Variants in ADAMTSL1 observed in about 807,000 individuals in gnomAD.
The protein encoded by ADAMTSL1 is ADAMTS-like protein 1.
In ADAMTSL1, 126 loss-of-function variants were observed where a neutral mutation model predicts 201.8. The ratio of observed to expected loss-of-function variants is 0.62; its 90% CI spans 0.54 to 0.72. The LOEUF (loss-of-function observed/expected upper bound fraction) is 0.72, where lower values mean the gene tolerates loss of function less well. Among genes scored for constraint, ADAMTSL1 ranks in the 30% least tolerant of loss-of-function variants. ADAMTSL1 has a pLI of 0.00. For missense variants in ADAMTSL1, 2,679 were observed against 2,277.8 expected, an observed-to-expected ratio of 1.18 and a Z score of -3.59; for synonymous variants, 1,121 against 903.4, an observed-to-expected ratio of 1.24 and a Z score of -4.32.
intron 4 of ADAMTSL1, among the ~76,000 whole-genome samples, chr9:18,596,645 A>G (rs1469383267): frequency 2.6e-5 from 4 of 152,144 alleles, no homozygotes; most frequent in African/African-American, 9.7e-5. Flanking sequence ...GTGTGAACCT[A>G]TGTGAGGTGA....
intron 16 of ADAMTSL1, among the ~76,000 whole-genome samples, chr9:18,753,803 A>G (rs1410439463): frequency 6.6e-6 from 1 of 152,246 alleles, no homozygotes; most frequent in Non-Finnish European, 1.5e-5. Flanking sequence ...AAAATTTTTT[A>G]AAATCAAGAC....
chr9:18,159,544 T>A (rs976632865), intron 1 of ADAMTSL1, among the ~76,000 whole-genome samples: 3 of 152,042 alleles, frequency 2.0e-5, no homozygotes, highest in Non-Finnish European at 4.4e-5. Context: ...ACATTACAAT[T>A]TTTATAGCAA....
intron 15 of ADAMTSL1, chr9:18,723,738 G>A (rs1817691983): frequency 6.6e-6 from 1 of 152,490 alleles, no homozygotes; most frequent in Non-Finnish European, 1.5e-5. Flanking sequence ...AACAATAAAG[G>A]GGACCAAAGT....
chr9:18,688,689 A>AAAAAAAAAAAAAAAATAT (rs1554730404), intron 13 of ADAMTSL1, among the ~76,000 whole-genome samples: 1 of 8,652 alleles, frequency 1.2e-4, no homozygotes, highest in Admixed American at 2.3e-3. Flanking sequence ...AAAAAAAAAA[A>AAAAAAAAAAAAAAAATAT]ATATATATAT....
chr9:18,006,364 A>G (rs1468757719), intron 1 of ADAMTSL1, among the ~76,000 whole-genome samples: 1 of 152,018 alleles, frequency 6.6e-6, no homozygotes, highest in Non-Finnish European at 1.5e-5. Flanking sequence ...TGACTATGTT[A>G]AACAGCTCAC....
chr9:18,439,125 C>T (rs960448159), intron 2 of ADAMTSL1, among the ~76,000 whole-genome samples: 2 of 152,132 alleles, frequency 1.3e-5, no homozygotes, highest in African/African-American at 4.8e-5. Context: ...GTCTTCACTA[C>T]GTCATGACCG....
intron 2 of ADAMTSL1, among the ~76,000 whole-genome samples, chr9:18,510,015 C>G (rs1382308400): frequency 6.6e-6 from 1 of 152,108 alleles, no homozygotes; most frequent in Non-Finnish European, 1.5e-5. Context: ...GCTTAGAGGC[C>G]TAGCAGGTAA....
chr9:18,297,655 C>A (rs770161171), intron 2 of ADAMTSL1, among the ~76,000 whole-genome samples: 1 of 152,178 alleles, frequency 6.6e-6, no homozygotes, highest in Non-Finnish European at 1.5e-5. Flanking sequence ...ATCTGTCTTT[C>A]GCTGCTGGTT....
chr9:18,573,792 A>T (rs548076997), intron 3 of ADAMTSL1, among the ~76,000 whole-genome samples: 22 of 152,226 alleles, frequency 1.4e-4, no homozygotes, highest in Admixed American at 3.9e-4. Flanking sequence ...CAAGCCAATT[A>T]TTTTTCCATT....
chr9:17,986,828 C>A (rs1818946960), intron 1 of ADAMTSL1, among the ~76,000 whole-genome samples: 1 of 152,064 alleles, frequency 6.6e-6, no homozygotes, highest in African/African-American at 2.4e-5. Context: ...TGACTAGGTG[C>A]AAACATTACC....
In ADAMTSL1 at chr9:18,067,956, G is replaced by C. The variant is rs1466878160; in HGVS notation, c.88-95906G>C. On this transcript the variant is annotated intron_variant, in intron 1 of 29. Transcript: ENST00000680146. ...CAGTGAGCACAGAGGATTTAGAGTA[G>C]GTAAGAAAAGCTTTCGACAGGATAA... 5.3e-5 allele frequency among the ~76,000 whole-genome samples: 8 copies of C among 152,012 alleles called. No individual in the cohort carries two copies. In the South Asian group the frequency reaches 1.5e-3, roughly 28 times the overall value.
chr9:18,121,856 C>G (rs1168477844), intron 1 of ADAMTSL1, among the ~76,000 whole-genome samples: 1 of 152,114 alleles, frequency 6.6e-6, no homozygotes, highest in East Asian at 1.9e-4. Flanking sequence ...GCACCCATCA[C>G]CATTCTTAAA....
At chr9:18,512,375 G>A (rs1053274800) in intron 2 of ADAMTSL1, among the ~76,000 whole-genome samples, 3 of 151,660 alleles carry the variant, frequency 2.0e-5, no homozygotes, top group Non-Finnish European at 4.4e-5. Context: ...AAATGTGTTT[G>A]TTGTCCATAA....
chr9:18,072,089 G>A (rs1399533536), intron 1 of ADAMTSL1, among the ~76,000 whole-genome samples: 1 of 152,076 alleles, frequency 6.6e-6, no homozygotes, highest in African/African-American at 2.4e-5. Flanking sequence ...GCATTTTCCG[G>A]GTGGTCCAAA....
chr9:18,593,390 T>A (rs1824049861), intron 4 of ADAMTSL1, among the ~76,000 whole-genome samples: 1 of 152,110 alleles, frequency 6.6e-6, no homozygotes, highest in Non-Finnish European at 1.5e-5. Context: ...ATTGTTTTCC[T>A]CATTTCAATT....
chr9:18,699,452 G>C (rs1831794846), intron 13 of ADAMTSL1, among the ~76,000 whole-genome samples: 1 of 151,416 alleles, frequency 6.6e-6, no homozygotes, highest in Non-Finnish European at 1.5e-5. Flanking sequence ...AGCCTTCCTG[G>C]TCACTGGGAC....
intron 1 of ADAMTSL1, among the ~76,000 whole-genome samples, chr9:17,989,370 A>G (rs961965026): frequency 6.6e-6 from 1 of 151,992 alleles, no homozygotes; most frequent in Non-Finnish European, 1.5e-5. Context: ...GAATTATACA[A>G]AATCATTTAT....
At chr9:18,515,092 C>T (rs1229394686) in intron 2 of ADAMTSL1, among the ~76,000 whole-genome samples, 2 of 152,092 alleles carry the variant, frequency 1.3e-5, no homozygotes, top group Non-Finnish European at 2.9e-5. Context: ...ACTTTAGAAT[C>T]ACCTGGAAAG....
chr9:18,292,977 C>G (rs1042622009), intron 2 of ADAMTSL1, among the ~76,000 whole-genome samples: 1 of 152,114 alleles, frequency 6.6e-6, no homozygotes, highest in Non-Finnish European at 1.5e-5. Context: ...TACAGGGGCT[C>G]AAATCCGGTC....
Sources: gnomAD v4.1 joint callset for allele counts (sites outside exome capture counted in the v4.1 genomes callset) on GRCh38, gnomAD v4.1.1 for gene constraint, MANE v1.5 for transcripts, NCBI Gene and HGNC (gene_info 2026-07-23, HGNC 2026-07-21) for gene names.